AGMO: variants seen among roughly 807,000 people sequenced by gnomAD.
AGMO encodes alkylglycerol monooxygenase, also known as glyceryl-ether monooxygenase.
In AGMO, 75 loss-of-function variants were observed where a neutral mutation model predicts 60.2. The observed-to-expected ratio is 1.25, with a 90% CI of 1.03 to 1.51. The LOEUF (loss-of-function observed/expected upper bound fraction) is 1.51, where lower values mean the gene tolerates loss of function less well. AGMO is among the 40% of genes most tolerant of loss of function. The probability of loss-of-function intolerance (pLI) is 0.00; values close to 1 mark genes in which losing one functional copy is unlikely to be tolerated. For synonymous variants in AGMO, 261 were observed against 177.1 expected, an observed-to-expected ratio of 1.47 and a Z score of -3.76; for missense variants, 763 against 525.5, an observed-to-expected ratio of 1.45 and a Z score of -4.42.
intron 12 of AGMO, among the ~76,000 whole-genome samples, chr7:15,347,257 C>G (rs914919635): frequency 6.6e-6 from 1 of 152,008 alleles, no homozygotes; most frequent in African/African-American, 2.4e-5. Flanking sequence ...TATTTCCTGG[C>G]TCTTCACTAA....
chr7:15,461,258 T>C (rs1169015425), intron 3 of AGMO, among the ~76,000 whole-genome samples: 3 of 151,914 alleles, frequency 2.0e-5, no homozygotes, highest in South Asian at 2.1e-4. Context: ...GAATTTTATA[T>C]ATAAAGATAA....
intron 12 of AGMO, among the ~76,000 whole-genome samples, chr7:15,286,373 A>AG (rs1220499977): frequency 6.6e-6 from 1 of 152,074 alleles, no homozygotes; most frequent in Non-Finnish European, 1.5e-5. Context: ...ATAAATCAGC[A>AG]GGAAAAAAAA....
the AGMO span, among the ~76,000 whole-genome samples, chr7:15,135,330 C>T: frequency 1.3e-5 from 2 of 152,086 alleles, no homozygotes; most frequent in Admixed American, 1.3e-4. Context: ...AATCTTTGAA[C>T]TGCCTCTCTG....
chr7:15,152,184 GT>G, the AGMO span, among the ~76,000 whole-genome samples: 20 of 152,112 alleles, frequency 1.3e-4, no homozygotes, highest in Non-Finnish European at 2.2e-4. Context: ...TTTAAAGTCT[GT>G]TTTGTGTGAA....
chr7:15,252,632 C>T (rs371891301), intron 12 of AGMO, among the ~76,000 whole-genome samples: 19 of 152,178 alleles, frequency 1.2e-4, no homozygotes, highest in Admixed American at 4.6e-4. Context: ...GCCTCAGATA[C>T]GACCACAGCT....
At chr7:15,398,587 C>T (rs527429826) in intron 5 of AGMO, among the ~76,000 whole-genome samples, 1 of 152,140 alleles carries the variant, frequency 6.6e-6, no homozygotes, top group Non-Finnish European at 1.5e-5. Flanking sequence ...GCTTAATTAT[C>T]GCCTATTTTT....
At chr7:15,530,538 ATATATATTCTATATACGTATTTC>A (rs1784280717) in intron 3 of AGMO, among the ~76,000 whole-genome samples, 1 of 83,390 alleles carries the variant, frequency 1.2e-5, no homozygotes, top group African/African-American at 4.3e-5. Flanking sequence ...ACGTATTTCT[ATATATATTCTATATACGTATTTC>A]TATATATATT....
chr7:15,212,833 T>G (rs747015686), intron 12 of AGMO, among the ~76,000 whole-genome samples: 61 of 152,068 alleles, frequency 4.0e-4, no homozygotes, highest in Middle Eastern at 6.8e-3. Flanking sequence ...AAAAAGATAC[T>G]GAGCTTACAA....
chr7:15,267,759 G>A (rs1783476748), intron 12 of AGMO, among the ~76,000 whole-genome samples: 1 of 152,004 alleles, frequency 6.6e-6, no homozygotes, highest in East Asian at 1.9e-4. Context: ...TACACAAGCT[G>A]AAGGGAAAAA....
the AGMO span, among the ~76,000 whole-genome samples, chr7:15,144,337 T>A: frequency 6.6e-6 from 1 of 152,200 alleles, no homozygotes; most frequent in Non-Finnish European, 1.5e-5. Flanking sequence ...TACAGAACAA[T>A]GATGTTTTAA....
intron 12 of AGMO, among the ~76,000 whole-genome samples, chr7:15,362,357 G>C (rs1255210924): frequency 6.6e-6 from 1 of 152,082 alleles, no homozygotes; most frequent in Non-Finnish European, 1.5e-5. Context: ...TATTTATCCA[G>C]TCTTACGTTG....
At chr7:15,138,152 C>T in the AGMO span, among the ~76,000 whole-genome samples, 1 of 152,180 alleles carries the variant, frequency 6.6e-6, no homozygotes, top group Non-Finnish European at 1.5e-5. Flanking sequence ...ATGACATTTC[C>T]TCTTTTTAGT....
chr7:15,507,304 A>G (rs1239731292), intron 3 of AGMO, among the ~76,000 whole-genome samples: 2 of 152,068 alleles, frequency 1.3e-5, no homozygotes, highest in African/African-American at 2.4e-5. Context: ...CAATACTAAC[A>G]TTGCAAAAAA....
chr7:15,296,760 T>C (rs559575400), intron 12 of AGMO, among the ~76,000 whole-genome samples: 11 of 152,296 alleles, frequency 7.2e-5, no homozygotes, highest in Non-Finnish European at 1.5e-4. Context: ...TTATTTCACT[T>C]TTCCAAATTA....
chr7:15,315,880 C>T (rs1780908438), intron 12 of AGMO, among the ~76,000 whole-genome samples: 1 of 152,118 alleles, frequency 6.6e-6, no homozygotes, highest in South Asian at 2.1e-4. Flanking sequence ...TGTAGGTCAA[C>T]TACACAATGA....
At chr7:15,532,435 T>A (rs554022047) in intron 3 of AGMO, among the ~76,000 whole-genome samples, 1 of 152,338 alleles carries the variant, frequency 6.6e-6, no homozygotes, top group African/African-American at 2.4e-5. Flanking sequence ...TTTCCTCTTT[T>A]GTCAAAGATA....
chr7:15,440,151 T>C (rs1781510536), intron 3 of AGMO, among the ~76,000 whole-genome samples: 1 of 152,184 alleles, frequency 6.6e-6, no homozygotes, highest in African/African-American at 2.4e-5. Context: ...TAAAATATTA[T>C]TAAATATGGT....
chr7:15,547,216 C>G (rs1330687702), intron 2 of AGMO, among the ~76,000 whole-genome samples: 1 of 151,400 alleles, frequency 6.6e-6, no homozygotes, highest in Non-Finnish European at 1.5e-5. Context: ...AAAAATGTCT[C>G]CAGATACTTC....
At chr7:15,242,319 G>A (rs1782614347) in intron 12 of AGMO, among the ~76,000 whole-genome samples, 1 of 152,092 alleles carries the variant, frequency 6.6e-6, no homozygotes, top group Non-Finnish European at 1.5e-5. Flanking sequence ...TCTAGTTAAT[G>A]GATGGATCTT....
Sources: allele counts gnomAD v4.1 joint callset (sites outside exome capture counted in the v4.1 genomes callset), GRCh38; gene constraint gnomAD v4.1.1; transcripts MANE v1.5; gene names NCBI Gene and HGNC (gene_info 2026-07-23, HGNC 2026-07-21).